Variants in KCNG2 observed in about 807,000 individuals in gnomAD.
The protein encoded by KCNG2 is potassium voltage-gated channel modifier subfamily G member 2.
Under a neutral mutation model 12.3 loss-of-function variants are expected in KCNG2, and 7 were observed. The ratio of observed to expected loss-of-function variants is 0.57; its 90% CI spans 0.32 to 1.07. The LOEUF (loss-of-function observed/expected upper bound fraction) is 1.07. Among genes scored for constraint, KCNG2 ranks in the 50% least tolerant of loss-of-function variants. KCNG2 has a pLI of 0.04. For synonymous variants in KCNG2, 414 were observed against 351.4 expected (o/e 1.18, Z -1.99); for missense variants, 703 against 726.0 (o/e 0.97, Z 0.36).
chr18:79,887,020 CGGG>C (rs1980541899), intron 3 of KCNG2, among the ~76,000 whole-genome samples: 1 of 84,010 alleles, frequency 1.2e-5, no homozygotes, highest in Admixed American at 1.2e-4. Context: ...CATGGGGACA[CGGG>C]ACAGGGAGAT....
chr18:79,867,924 C>G (rs1979673526), intron 3 of KCNG2, among the ~76,000 whole-genome samples: 1 of 152,140 alleles, frequency 6.6e-6, no homozygotes, highest in Non-Finnish European at 1.5e-5. Flanking sequence ...TGAACTGACC[C>G]AAGCCTGCGG....
chr18:79,851,191 GA>G (rs1222830361), intron 1 of KCNG2, among the ~76,000 whole-genome samples: 2 of 152,158 alleles, frequency 1.3e-5, no homozygotes. Context: ...AGATCATAGG[GA>G]GATGTGCTCT....
At chr18:79,888,302 G>A (rs1240588229) in intron 3 of KCNG2, among the ~76,000 whole-genome samples, 2 of 152,180 alleles carry the variant, frequency 1.3e-5, no homozygotes, top group Admixed American at 6.5e-5. Context: ...GCAGACTCCT[G>A]AGAAGGTCCC....
intron 1 of KCNG2, among the ~76,000 whole-genome samples, chr18:79,825,060 G>A (rs1001488766): frequency 7.4e-5 from 11 of 147,826 alleles, no homozygotes; most frequent in Non-Finnish European, 1.5e-5. Flanking sequence ...AATCTTGGGA[G>A]AATTCTCTGT....
At chr18:79,880,809 A>C (rs1191990496) in intron 3 of KCNG2, among the ~76,000 whole-genome samples, 1 of 152,252 alleles carries the variant, frequency 6.6e-6, no homozygotes, top group Non-Finnish European at 1.5e-5. Flanking sequence ...AAACCAACCC[A>C]TGTAATTCAC....
chr18:79,899,383 G>C lies in KCNG2; in HGVS notation c.968G>C (p.Gly323Ala), dbSNP rs780140470. 45 of 1,566,898 alleles carry C rather than the reference G, an allele frequency of 2.9e-5. No homozygotes were observed. The highest frequency in any genetic ancestry group is 5.5e-5 in the Admixed American group (3 of 54,380). Residue 323 changes from glycine (G) to alanine (A), a missense_variant, in exon 4 of 4, where the codon GGG becomes GCG. Gly to Ala is a moderately conservative substitution (Grantham distance 60, BLOSUM62 0). Transcript: ENST00000316249. Reference sequence around the variant, plus strand: ...ATGCGCCGCTGCGCGCGCGAGTTCGGGCTGCTGCTGCTGTTCCTCTGCGTG... The same window carrying C: ...ATGCGCCGCTGCGCGCGCGAGTTCGCGCTGCTGCTGCTGTTCCTCTGCGTG... ...LTMRRCAREFGLLLLFLCVAM... is the reference protein window; with the variant it reads ...LTMRRCAREFALLLLFLCVAM...
At chr18:79,826,075 G>A (rs944095436) in intron 1 of KCNG2, among the ~76,000 whole-genome samples, 9 of 152,388 alleles carry the variant, frequency 5.9e-5, no homozygotes, top group African/African-American at 1.9e-4. Context: ...GTGCCCTGCC[G>A]GCCGCCCTGA....
intron 3 of KCNG2, among the ~76,000 whole-genome samples, chr18:79,882,236 G>A (rs1980325003): frequency 6.6e-6 from 1 of 152,214 alleles, no homozygotes; most frequent in South Asian, 2.1e-4. Context: ...TCCTGGCCTA[G>A]TTGGGGTCTC....
intron 1 of KCNG2, among the ~76,000 whole-genome samples, chr18:79,823,660 CCT>C (rs1206344822): frequency 1.3e-5 from 2 of 152,046 alleles, no homozygotes; most frequent in African/African-American, 4.8e-5. Flanking sequence ...TCCTTCACCC[CCT>C]GATGTTTAAG....
At chr18:79,834,857 G>T (rs892249164) in intron 1 of KCNG2, among the ~76,000 whole-genome samples, 35 of 152,238 alleles carry the variant, frequency 2.3e-4, no homozygotes, top group African/African-American at 8.2e-4. Flanking sequence ...CTTCAGTGGA[G>T]AAGGCACATC....
At chr18:79,888,467 G>A (rs1463068308) in intron 3 of KCNG2, among the ~76,000 whole-genome samples, 6 of 106,790 alleles carry the variant, frequency 5.6e-5, no homozygotes, top group Admixed American at 4.1e-4. Context: ...ATGAGGCCGC[G>A]GTGGGGCCGG....
intron 1 of KCNG2, chr18:79,815,965 G>A (rs760860703): frequency 6.6e-6 from 1 of 152,254 alleles, no homozygotes; most frequent in Non-Finnish European, 1.5e-5. Flanking sequence ...AAGACGTCCT[G>A]CAAAACGTAT....
intron 3 of KCNG2, among the ~76,000 whole-genome samples, chr18:79,882,994 G>T (rs924218227): frequency 6.6e-6 from 1 of 152,252 alleles, no homozygotes. Context: ...CGTGTGTCAC[G>T]TACAGAGCGA....
At chr18:79,832,474 C>T in intron 1 of KCNG2, among the ~76,000 whole-genome samples, 1 of 151,446 alleles carries the variant, frequency 6.6e-6, no homozygotes, top group South Asian at 2.1e-4. Flanking sequence ...TCTTCACCTG[C>T]CCATCCTCAC....
chr18:79,868,964 C>T (rs1377233765), intron 3 of KCNG2, among the ~76,000 whole-genome samples: 1 of 152,200 alleles, frequency 6.6e-6, no homozygotes, highest in East Asian at 1.9e-4. Context: ...AATGTGAGCT[C>T]TCTGATGGGA....
chr18:79,804,802 C>G (rs2087436495), intron 1 of KCNG2, among the ~76,000 whole-genome samples: 1 of 152,164 alleles, frequency 6.6e-6, no homozygotes, highest in Admixed American at 6.5e-5. Flanking sequence ...AAAAGCAGTA[C>G]ACTTTTATCA....
At chr18:79,883,969 G>A (rs951107189) in intron 3 of KCNG2, among the ~76,000 whole-genome samples, 57 of 152,082 alleles carry the variant, frequency 3.7e-4, no homozygotes, top group African/African-American at 1.3e-3. Flanking sequence ...CCCCAACTCG[G>A]GTGTGCCTGG....
intron 3 of KCNG2, among the ~76,000 whole-genome samples, chr18:79,871,869 C>T (rs1250010335): frequency 6.6e-6 from 1 of 152,254 alleles, no homozygotes; most frequent in Non-Finnish European, 1.5e-5. Context: ...GCGTCTGCCA[C>T]TGCGACATTG....
At chr18:79,827,685 G>A (rs1276955618) in intron 1 of KCNG2, among the ~76,000 whole-genome samples, 1 of 152,104 alleles carries the variant, frequency 6.6e-6, no homozygotes. Context: ...TCTGAATGCA[G>A]GCCCTGGAAC....
Sources: gnomAD v4.1 joint callset for allele counts (sites outside exome capture counted in the v4.1 genomes callset) on GRCh38, gnomAD v4.1.1 for gene constraint, MANE v1.5 for transcripts, NCBI Gene and HGNC (gene_info 2026-07-23, HGNC 2026-07-21) for gene names.